Variants in UHRF2 observed in about 807,000 individuals in gnomAD.
The protein encoded by UHRF2 is E3 ubiquitin-protein ligase UHRF2.
A neutral mutation model predicts 96.8 loss-of-function variants in UHRF2; 23 were observed. The observed-to-expected ratio is 0.24, with a 90% CI of 0.17 to 0.34. The LOEUF is 0.34. Ranked by LOEUF, UHRF2 falls within the 10% of genes least tolerant of loss-of-function variation. UHRF2 has a pLI of 1.00. For synonymous variants in UHRF2, 385 were observed against 332.6 expected (o/e 1.16, Z -1.72); for missense variants, 685 against 981.5 (o/e 0.70, Z 4.04).
At chr9:6,448,591 A>T (rs1821661909) in intron 3 of UHRF2, among the ~76,000 whole-genome samples, 1 of 152,240 alleles carries the variant, frequency 6.6e-6, no homozygotes, top group Non-Finnish European at 1.5e-5. Flanking sequence ...TGAACGCTTA[A>T]TGCAGTGCTG....
intron 6 of UHRF2, among the ~76,000 whole-genome samples, chr9:6,478,225 G>A (rs1440752397): frequency 6.6e-6 from 1 of 152,148 alleles, no homozygotes. Flanking sequence ...CCTTAAGTAA[G>A]CCATGTTCTT....
intron 3 of UHRF2, among the ~76,000 whole-genome samples, chr9:6,445,412 C>G (rs1414718660): frequency 2.0e-5 from 3 of 152,040 alleles, no homozygotes; most frequent in Non-Finnish European, 4.4e-5. Context: ...CAGGGGCATT[C>G]CACCACATTC....
At chr9:6,449,737 A>G (rs1361292030) in intron 3 of UHRF2, among the ~76,000 whole-genome samples, 1 of 152,222 alleles carries the variant, frequency 6.6e-6, no homozygotes, top group Non-Finnish European at 1.5e-5. Flanking sequence ...TTTATGCTGA[A>G]CACTTGCTTC....
rs1355981986 is a variant in UHRF2, at chr9:6,467,606, T to G, written c.863+6815T>G. ...ATTCCGAGAGAATAGTTTTTTTTTT[T>G]TTTTTTTTTTTGGTATTTTAACATC... On this transcript the variant is annotated intron_variant, in intron 4 of 15. Coordinates refer to ENST00000276893, the MANE Select transcript of UHRF2 (RefSeq NM_152896.3). Among the ~76,000 whole-genome samples the G allele has an allele frequency of 4.0e-5, 6 of 150,930 alleles. No homozygotes were observed. In the East Asian group the frequency reaches 5.8e-4, roughly 15 times the overall value.
chr9:6,485,769 G>C (rs1369644115), intron 8 of UHRF2, among the ~76,000 whole-genome samples: 2 of 130,612 alleles, frequency 1.5e-5, no homozygotes, highest in African/African-American at 5.9e-5. Context: ...TTCAAGACCA[G>C]CCTGGGCAAC....
At chr9:6,495,963 A>G (rs1824942769) in intron 10 of UHRF2, 1 of 151,594 alleles carries the variant, frequency 6.6e-6, no homozygotes, top group South Asian at 2.1e-4. Flanking sequence ...GTTTTTTTCT[A>G]CCTCTCAGAA....
At chr9:6,436,738 A>C (rs776761468) in intron 3 of UHRF2, among the ~76,000 whole-genome samples, 1 of 152,246 alleles carries the variant, frequency 6.6e-6, no homozygotes, top group Non-Finnish European at 1.5e-5. Flanking sequence ...TTAGAGCACA[A>C]AACACAGTAC....
At chr9:6,448,722 GA>G (rs1821669765) in intron 3 of UHRF2, among the ~76,000 whole-genome samples, 1 of 152,162 alleles carries the variant, frequency 6.6e-6, no homozygotes, top group Non-Finnish European at 1.5e-5. Context: ...AGGTAAATAA[GA>G]TAAGAATGGA....
intron 3 of UHRF2, among the ~76,000 whole-genome samples, chr9:6,450,323 T>G (rs934554974): frequency 3.6e-5 from 5 of 138,236 alleles, no homozygotes; most frequent in African/African-American, 1.1e-4. Flanking sequence ...CCCATTTATT[T>G]AAATAAACTG....
In UHRF2 at chr9:6,466,314, G is replaced by A. The variant is rs138339837; in HGVS notation, c.863+5523G>A. ...GCACTTTGGGAGGCTGAGGCGGACG[G>A]ATCACCTGAAGTCAGGAGTTCTAGA... is the stretch of plus-strand genomic sequence containing the variant. On this transcript the variant is annotated intron_variant, in intron 4 of 15. Coordinates refer to ENST00000276893, the MANE Select transcript of UHRF2 (RefSeq NM_152896.3). Among the ~76,000 whole-genome samples, 755 of 152,174 alleles carry A rather than the reference G, an allele frequency of 5.0e-3. 8 individuals are homozygous for A. Among genetic ancestry groups the A allele is most frequent in the African/African-American group, 0.017 (709 of 41,522 alleles).
intron 8 of UHRF2, chr9:6,484,623 A>G (rs1334086237): frequency 1.4e-5 from 2 of 147,108 alleles, no homozygotes; most frequent in Non-Finnish European, 3.0e-5. Flanking sequence ...TATTGCCCAG[A>G]CTGATCTTGA....
intron 1 of UHRF2, among the ~76,000 whole-genome samples, chr9:6,416,925 ACAATGTGGGG>A (rs1819643322): frequency 6.6e-6 from 1 of 152,166 alleles, no homozygotes; most frequent in Non-Finnish European, 1.5e-5. Flanking sequence ...AAAATAGATA[ACAATGTGGGG>A]CATGAACTAT....
chr9:6,486,802 C>A lies in UHRF2; in HGVS notation c.1393-19C>A, dbSNP rs1563798806. On this transcript the variant is annotated intron_variant, in intron 8 of 15. Coordinates refer to ENST00000276893, the MANE Select transcript of UHRF2 (RefSeq NM_152896.3). ...AACTGTTCAGAGGTATTTTGAGACT[C>A]TCTTTAATTGTTTTATAGGTGAGCG... The A allele has an allele frequency of 6.2e-7, 1 of 1,611,994 alleles. No individual in the cohort carries two copies. The highest frequency in any genetic ancestry group is 2.2e-5 in the East Asian group (1 of 44,836).
intron 14 of UHRF2, among the ~76,000 whole-genome samples, chr9:6,503,552 A>G (rs1034823748): frequency 1.8e-4 from 27 of 152,162 alleles, no homozygotes; most frequent in African/African-American, 5.8e-4. Context: ...TCAGGAAGGT[A>G]TGGGATTTTA....
intron 4 of UHRF2, among the ~76,000 whole-genome samples, chr9:6,465,842 A>C (rs1224356015): frequency 6.6e-6 from 1 of 152,206 alleles, no homozygotes; most frequent in Non-Finnish European, 1.5e-5. Flanking sequence ...TTCTGTTTTT[A>C]ATTTGTGAGT....
intron 3 of UHRF2, among the ~76,000 whole-genome samples, chr9:6,456,240 A>T (rs1273285986): frequency 6.6e-6 from 1 of 152,080 alleles, no homozygotes; most frequent in Non-Finnish European, 1.5e-5. Flanking sequence ...AACTGGCGTG[A>T]TATGGTATCT....
chr9:6,467,903 G>A (rs1002387025), intron 4 of UHRF2, among the ~76,000 whole-genome samples: 1 of 152,034 alleles, frequency 6.6e-6, no homozygotes, highest in African/African-American at 2.4e-5. Flanking sequence ...CTATCTGCAA[G>A]GTGTGGTTTA....
At chr9:6,437,396 CTAACT>C (rs1820914664) in intron 3 of UHRF2, among the ~76,000 whole-genome samples, 1 of 152,060 alleles carries the variant, frequency 6.6e-6, no homozygotes, top group Non-Finnish European at 1.5e-5. Context: ...CCACGCCTGG[CTAACT>C]TTTGTATCTT....
chr9:6,476,961 C>G (rs2130896599), intron 5 of UHRF2, among the ~76,000 whole-genome samples: 1 of 152,236 alleles, frequency 6.6e-6, no homozygotes, highest in South Asian at 2.1e-4. Context: ...ATTAGAAAAG[C>G]TGTATGCTGG....
Sources: allele counts gnomAD v4.1 joint callset (sites outside exome capture counted in the v4.1 genomes callset), GRCh38; gene constraint gnomAD v4.1.1; transcripts MANE v1.5; gene names NCBI Gene and HGNC (gene_info 2026-07-23, HGNC 2026-07-21).